Variants in SOS2 observed in about 807,000 individuals in gnomAD.
SOS2 encodes son of sevenless homolog 2.
SOS2 carries 65 observed loss-of-function variants against 148.2 expected under a neutral mutation model. That is an observed-to-expected ratio of 0.44 (90% CI 0.36 to 0.54). The LOEUF is 0.54. Among genes scored for constraint, SOS2 ranks in the 20% least tolerant of loss-of-function variants. The pLI is 0.00. For synonymous variants in SOS2, 539 were observed against 537.1 expected (o/e 1.00, Z -0.05); for missense variants, 1,341 against 1,590.2 (o/e 0.84, Z 2.67).
intron 13 of SOS2, among the ~76,000 whole-genome samples, chr14:50,152,792 C>A (rs1001329063): frequency 6.6e-6 from 1 of 151,836 alleles, no homozygotes; most frequent in Non-Finnish European, 1.5e-5. Flanking sequence ...TGGTGAAATA[C>A]CATCTCTACT....
chr14:50,143,210 A>C (rs1460130165), intron 16 of SOS2, among the ~76,000 whole-genome samples: 1 of 151,944 alleles, frequency 6.6e-6, no homozygotes, highest in Admixed American at 6.6e-5. Flanking sequence ...CTGTAATCGC[A>C]GCTACTCAAG....
chr14:50,121,415 C>CT (rs973014087), intron 21 of SOS2, among the ~76,000 whole-genome samples: 1 of 151,928 alleles, frequency 6.6e-6, no homozygotes, highest in Non-Finnish European at 1.5e-5. Context: ...ATAAGTTTAA[C>CT]TTTAAACACT....
intron 8 of SOS2, among the ~76,000 whole-genome samples, chr14:50,164,716 C>G (rs569101528): frequency 1.3e-5 from 2 of 152,166 alleles, no homozygotes; most frequent in African/African-American, 4.8e-5. Flanking sequence ...TGCCCCCATT[C>G]GCTTTCTACA....
At chr14:50,178,759 G>T (rs1265162019) in intron 7 of SOS2, among the ~76,000 whole-genome samples, 2 of 140,684 alleles carry the variant, frequency 1.4e-5, no homozygotes, top group African/African-American at 2.7e-5. Flanking sequence ...TTGGAGACAG[G>T]GTCTTGCTCT....
chr14:50,176,127 C>T (rs564606355), intron 7 of SOS2, among the ~76,000 whole-genome samples: 18 of 152,224 alleles, frequency 1.2e-4, no homozygotes, highest in African/African-American at 4.3e-4. Flanking sequence ...ATAAAAGGGG[C>T]CTAAGGGAGC....
intron 4 of SOS2, among the ~76,000 whole-genome samples, chr14:50,193,689 A>C (rs1415946319): frequency 6.6e-6 from 1 of 152,094 alleles, no homozygotes; most frequent in Non-Finnish European, 1.5e-5. Flanking sequence ...CTAAGATCAT[A>C]CCACATCATA....
intron 5 of SOS2, among the ~76,000 whole-genome samples, chr14:50,183,131 C>T (rs993574137): frequency 6.6e-6 from 1 of 152,004 alleles, no homozygotes; most frequent in Non-Finnish European, 1.5e-5. Flanking sequence ...GAATGCACTC[C>T]CATTATAAAA....
chr14:50,146,142 A>G (rs1884462260), intron 14 of SOS2, among the ~76,000 whole-genome samples: 1 of 151,464 alleles, frequency 6.6e-6, no homozygotes, highest in African/African-American at 2.4e-5. Flanking sequence ...TCCAAAAAAA[A>G]AAAAAAAAAA....
At chr14:50,175,594 C>A (rs1242505929) in intron 7 of SOS2, among the ~76,000 whole-genome samples, 1 of 152,030 alleles carries the variant, frequency 6.6e-6, no homozygotes. Flanking sequence ...AAACAGATTC[C>A]CTTAAAGCTC....
intron 4 of SOS2, among the ~76,000 whole-genome samples, chr14:50,194,043 C>T (rs1016003857): frequency 1.3e-5 from 2 of 152,180 alleles, no homozygotes; most frequent in African/African-American, 4.8e-5. Context: ...CCACGCCCGG[C>T]CAAGTCATCT....
At chr14:50,141,155 G>T (rs570844637) in intron 16 of SOS2, among the ~76,000 whole-genome samples, 1 of 126,732 alleles carries the variant, frequency 7.9e-6, no homozygotes, top group South Asian at 2.7e-4. Context: ...CGTGAGCCGA[G>T]ATTGTGCCAC....
chr14:50,130,674 T>C lies in SOS2; in HGVS notation c.3164A>G (p.His1055Arg). Residue 1055 changes from histidine (H) to arginine (R), a missense_variant, in exon 20 of 23, where the codon CAC (histidine) becomes CGC (arginine). His to Arg is a conservative substitution (Grantham distance 29). This residue lies in a region of SOS2 where 354 missense variants were observed against 347.7 expected (regional missense o/e 1.02). Coordinates refer to ENST00000216373, the MANE Select transcript of SOS2 (RefSeq NM_006939.4). ...TGGTTCTCTTTCTAATGGTGTTGGGTGACCTCGTAAAGTACCTGAGGTAGA... is the reference window on the plus strand; with the variant it reads ...TGGTTCTCTTTCTAATGGTGTTGGGCGACCTCGTAAAGTACCTGAGGTAGA... ...HGSTSGTLRGHPTPLEREPCK... is the reference protein window; with the variant it reads ...HGSTSGTLRGRPTPLEREPCK... The C allele has an allele frequency of 6.2e-7, 1 of 1,614,096 alleles. No homozygotes were observed. Among genetic ancestry groups the C allele is most frequent in the Middle Eastern group, 1.6e-4 (1 of 6,062 alleles).
At chr14:50,127,597 T>C (rs970458182) in intron 21 of SOS2, among the ~76,000 whole-genome samples, 2 of 152,228 alleles carry the variant, frequency 1.3e-5, no homozygotes, top group African/African-American at 2.4e-5. Context: ...GGAGCAGAGT[T>C]GCTTACTTGC....
intron 7 of SOS2, 149 bp from the exon 8 acceptor site, chr14:50,174,701 C>T (rs1273503903): frequency 2.2e-6 from 1 of 448,370 alleles, no homozygotes; most frequent in Non-Finnish European, 4.0e-6. Flanking sequence ...AACTGAAGTG[C>T]TATCAAGTTG....
intron 8 of SOS2, among the ~76,000 whole-genome samples, chr14:50,173,355 T>C (rs889226320): frequency 6.6e-6 from 1 of 152,102 alleles, no homozygotes; most frequent in African/African-American, 2.4e-5. Flanking sequence ...TGAATACTTA[T>C]CTCTTTTTTA....
chr14:50,215,000 T>C (rs1887002673), intron 1 of SOS2, among the ~76,000 whole-genome samples: 1 of 151,664 alleles, frequency 6.6e-6, no homozygotes, highest in East Asian at 1.9e-4. Flanking sequence ...CATGCCCGGC[T>C]AATTTTTTGT....
chr14:50,153,195 C>CTTACGTTTCACTAAA, intron 12 of SOS2, 22 bp from the exon 13 acceptor site: 1 of 1,394,114 alleles, frequency 7.2e-7, no homozygotes, highest in Non-Finnish European at 1.0e-6. Context: ...GAAAGAAACA[C>CTTACGTTTCACTAAA]ATTTTAGTGA....
intron 8 of SOS2, among the ~76,000 whole-genome samples, chr14:50,171,547 G>GT (rs1885362832): frequency 6.6e-6 from 1 of 151,884 alleles, no homozygotes; most frequent in African/African-American, 2.4e-5. Flanking sequence ...AGCTGGGCAT[G>GT]GTGACATGCA....
intron 1 of SOS2, among the ~76,000 whole-genome samples, chr14:50,228,940 T>C (rs1303663589): frequency 6.6e-6 from 1 of 152,206 alleles, no homozygotes; most frequent in South Asian, 2.1e-4. Context: ...GAGAGAGATA[T>C]TCCAATCAAA....
Sources: allele counts gnomAD v4.1 joint callset (sites outside exome capture counted in the v4.1 genomes callset), GRCh38; gene constraint gnomAD v4.1.1; regional missense constraint gnomAD v4.1.1; transcripts MANE v1.5; gene names NCBI Gene and HGNC (gene_info 2026-07-23, HGNC 2026-07-21).